The following KMO variants were observed in gnomAD, a reference collection of about 807,000 sequenced individuals.
KMO encodes kynurenine 3-hydroxylase.
KMO carries 24 observed loss-of-function variants against 57.8 expected under a neutral mutation model. The ratio of observed to expected loss-of-function variants is 0.42; its 90% CI spans 0.30 to 0.58. The LOEUF is 0.58. Ranked by LOEUF, KMO falls within the 20% of genes least tolerant of loss-of-function variation. KMO has a pLI of 0.22. For missense variants in KMO, 483 were observed against 588.2 expected, an observed-to-expected ratio of 0.82 and a Z score of 1.85; for synonymous variants, 210 against 193.6, an observed-to-expected ratio of 1.08 and a Z score of -0.70.
intron 4 of KMO, among the ~76,000 whole-genome samples, chr1:241,552,053 C>A (rs1373468698): frequency 1.3e-5 from 2 of 152,006 alleles, no homozygotes; most frequent in East Asian, 3.9e-4. Flanking sequence ...GAGACTGAAC[C>A]AGTAATGTAT....
intron 7 of KMO, among the ~76,000 whole-genome samples, chr1:241,562,635 A>G (rs993850017): frequency 6.6e-6 from 1 of 152,098 alleles, no homozygotes; most frequent in African/African-American, 2.4e-5. Flanking sequence ...AACCCAAGAT[A>G]TCAAGACCAA....
At chr1:241,582,964 G>A (rs1662813182) in intron 10 of KMO, among the ~76,000 whole-genome samples, 1 of 152,162 alleles carries the variant, frequency 6.6e-6, no homozygotes, top group South Asian at 2.1e-4. Flanking sequence ...TGCGGTCTAA[G>A]TTTATGGTCA....
chr1:241,549,091 C>T (rs1661269218), intron 2 of KMO, among the ~76,000 whole-genome samples, 193 bp downstream of exon 2: 1 of 151,496 alleles, frequency 6.6e-6, no homozygotes, highest in Admixed American at 6.6e-5. Context: ...ATTGCTTGGA[C>T]CCAGGAGGCG....
At chr1:241,550,340 T>G (rs1467489630) in intron 3 of KMO, among the ~76,000 whole-genome samples, 1 of 152,206 alleles carries the variant, frequency 6.6e-6, no homozygotes, top group East Asian at 1.9e-4. Flanking sequence ...AATTCTGAAT[T>G]CTGAAACCAT....
At chr1:241,548,099 A>ACACG (rs1661218972) in intron 1 of KMO, among the ~76,000 whole-genome samples, 1 of 151,938 alleles carries the variant, frequency 6.6e-6, no homozygotes. Context: ...ACACACACAC[A>ACACG]CACACACACA....
chr1:241,548,258 C>T (rs1661228204), intron 1 of KMO, among the ~76,000 whole-genome samples: 1 of 152,002 alleles, frequency 6.6e-6, no homozygotes. Context: ...TAGTGAGACC[C>T]CATCTCTACA....
At position 241,592,111 on chromosome 1, in the gene KMO, C is replaced by G; in HGVS notation, c.1419C>G (p.Ala473=). 1 of 1,613,800 alleles carries G rather than the reference C, an allele frequency of 6.2e-7. No homozygotes were observed. Among genetic ancestry groups the G allele is most frequent in the South Asian group, 1.1e-5 (1 of 91,074 alleles). The change falls in exon 15 of 15, where the codon GCC becomes GCG. Residue 473 remains alanine, a synonymous_variant. Transcript: ENST00000366559. ...ATACAACATGTTTCCCCGCAAAGGC[C>G]GTGGACTCCCTAGAACAAATTTCCA... is the stretch of plus-strand genomic sequence containing the variant. ...FRNTTCFPAK[A]VDSLEQISNL...
At chr1:241,556,875 C>A (rs535825297) in intron 5 of KMO, among the ~76,000 whole-genome samples, 2 of 151,718 alleles carry the variant, frequency 1.3e-5, no homozygotes, top group Admixed American at 1.3e-4. Context: ...GCTGACAGAG[C>A]GAGACTCAGT....
At chr1:241,555,708 T>C (rs931254855) in intron 5 of KMO, 48 bp downstream of exon 5, 1 of 1,094,614 alleles carries the variant, frequency 9.1e-7, no homozygotes, top group Non-Finnish European at 1.4e-6. Context: ...GTAAAGCACA[T>C]GACACTAATC....
Position 241,565,054 on chromosome 1 carries a change from A to T in KMO, c.683A>T (p.Asn228Ile). ...ACCTTTATGATGATTGCACTTCCTA[A>T]CATGGTAGTATAGAATTTTTTATCA... ...RNTFMMIALP[N>I]MNKSFTCTLF... Residue 228 changes from asparagine to isoleucine, a missense_variant, in exon 8 of 15, where the codon AAC (asparagine) becomes ATC (isoleucine). This residue lies in a region of KMO where 410 missense variants were observed against 492.3 expected (regional missense o/e 0.83). Coordinates refer to ENST00000366559, the MANE Select transcript of KMO (RefSeq NM_003679.5). 1 of 1,575,254 alleles carries T rather than the reference A, an allele frequency of 6.3e-7. No homozygotes were observed. Among genetic ancestry groups the T allele is most frequent in the Non-Finnish European group, 8.7e-7 (1 of 1,145,418 alleles).
chr1:241,538,808 G>A (rs1310970825), intron 1 of KMO, among the ~76,000 whole-genome samples: 4 of 152,146 alleles, frequency 2.6e-5, no homozygotes, highest in Non-Finnish European at 5.9e-5. Context: ...TTGCTATCTG[G>A]TGGGAAGTAT....
At chr1:241,539,378 C>T (rs961856069) in intron 1 of KMO, among the ~76,000 whole-genome samples, 13 of 103,734 alleles carry the variant, frequency 1.3e-4, no homozygotes, top group African/African-American at 5.3e-4. Context: ...AGTGAGACTC[C>T]GTCTCAAAAA....
intron 1 of KMO, among the ~76,000 whole-genome samples, chr1:241,533,305 G>A (rs1660639098): frequency 6.6e-6 from 1 of 152,164 alleles, no homozygotes; most frequent in African/African-American, 2.4e-5. Flanking sequence ...CAAATCATTT[G>A]GAGACTTTTC....
chr1:241,551,129 C>A, intron 4 of KMO, 85 bp downstream of exon 4: 1 of 750,316 alleles, frequency 1.3e-6, no homozygotes, highest in Non-Finnish European at 2.3e-6. Flanking sequence ...GCCCCTCTCT[C>A]TCCAGCCCTA....
Position 241,594,285 on chromosome 1 carries a change from G to T in KMO, c.*2132G>T. The stretch of plus-strand genomic sequence containing the variant: ...TTCAACCTCTTCCTGAGGCCCAAGA[G>T]CATATGGGCAATTCGGATTTCCTGC... On this transcript the variant is annotated 3_prime_UTR_variant, in exon 15 of 15. Transcript: ENST00000366559. 2 of 878,384 alleles carry T rather than the reference G, an allele frequency of 2.3e-6. No homozygotes were observed. The highest frequency in any genetic ancestry group is 3.5e-6 in the Non-Finnish European group (2 of 574,348). The allele number at this position is 878,384 out of a possible 1,614,324, so 54.4% of individuals were successfully genotyped here. A position where few individuals can be genotyped will look rare whatever the true frequency, so the allele number is the denominator to read the frequency against.
chr1:241,588,276 C>T (rs1393890220), intron 11 of KMO, among the ~76,000 whole-genome samples: 1 of 149,682 alleles, frequency 6.7e-6, no homozygotes, highest in African/African-American at 2.5e-5. Context: ...ATACTGGTGC[C>T]TGGGTCTGAA....
intron 1 of KMO, among the ~76,000 whole-genome samples, chr1:241,544,456 A>T (rs1661071706): frequency 6.6e-6 from 1 of 152,148 alleles, no homozygotes; most frequent in South Asian, 2.1e-4. Flanking sequence ...AAATGGCTCA[A>T]GGGTAACTTC....
intron 1 of KMO, among the ~76,000 whole-genome samples, chr1:241,536,115 T>G (rs1428174130): frequency 6.6e-6 from 1 of 151,060 alleles, no homozygotes; most frequent in African/African-American, 2.4e-5. Context: ...TTTAAAGAGT[T>G]TTTTTTTTAA....
Position 241,590,140 on chromosome 1 carries a change from T to C in KMO, c.1200+27T>C, listed in dbSNP as rs79315448. On this transcript the variant is annotated intron_variant, in intron 13 of 14. Transcript: ENST00000366559. Reference sequence around the variant, plus strand: ...TAAGGTCTGGACTGAAGACTTTTCCTCATTTTGATTTTCTGTTTAGCTGTT... The same window carrying C: ...TAAGGTCTGGACTGAAGACTTTTCCCCATTTTGATTTTCTGTTTAGCTGTT... 2,893 of 1,607,856 alleles carry C rather than the reference T, an allele frequency of 1.8e-3. 51 individuals carry two copies. The African/African-American group carries it at 0.034, about 19-fold the overall frequency.
Sources: gnomAD v4.1 joint callset for allele counts (sites outside exome capture counted in the v4.1 genomes callset) on GRCh38, gnomAD v4.1.1 for gene constraint, gnomAD v4.1.1 regional missense constraint, MANE v1.5 for transcripts, NCBI Gene and HGNC (gene_info 2026-07-23, HGNC 2026-07-21) for gene names.